The following DLGAP2 variants were observed in gnomAD, a reference collection of about 807,000 sequenced individuals.
DLGAP2 encodes DLG associated protein 2, also known as disks large-associated protein 2.
DLGAP2 carries 26 observed loss-of-function variants against 100.3 expected under a neutral mutation model. That is an observed-to-expected ratio of 0.26 (90% CI 0.19 to 0.36). DLGAP2 has a LOEUF of 0.36. DLGAP2 is among the 10% of genes least tolerant of loss of function. DLGAP2 has a pLI of 1.00. For missense variants in DLGAP2, 1,858 were observed against 1,453.2 expected (o/e 1.28, Z -4.53); for synonymous variants, 886 against 630.1 (o/e 1.41, Z -6.08).
chr8:1,637,156 G>C (rs77552639), intron 8 of DLGAP2, among the ~76,000 whole-genome samples: 9,128 of 152,228 alleles, frequency 0.06, 315 homozygotes, highest in Middle Eastern at 0.18. Context: ...ACCTCTGACC[G>C]GGCCCTTCAC....
At chr8:814,868 A>G (rs991961350) in intron 1 of DLGAP2, among the ~76,000 whole-genome samples, 1 of 151,290 alleles carries the variant, frequency 6.6e-6, no homozygotes. Flanking sequence ...AAAAAAAAAA[A>G]AAAAAGAAAT....
intron 3 of DLGAP2, among the ~76,000 whole-genome samples, chr8:1,271,535 G>A (rs1476283584): frequency 6.6e-6 from 1 of 152,176 alleles, no homozygotes; most frequent in East Asian, 1.9e-4. Context: ...CGAGATAGTT[G>A]TACATCCGAG....
intron 2 of DLGAP2, among the ~76,000 whole-genome samples, chr8:1,172,437 C>G (rs1797148944): frequency 6.6e-6 from 1 of 151,944 alleles, no homozygotes; most frequent in South Asian, 2.1e-4. Context: ...GCCTGCCTTG[C>G]TAGATTGGGG....
Position 1,549,542 on chromosome 8 carries a change from C to T in DLGAP2, c.1089C>T (p.Ala363=), listed in dbSNP as rs377204622. The T allele has an allele frequency of 3.1e-6, 5 of 1,613,228 alleles. No individual in the cohort carries two copies. The highest frequency in any genetic ancestry group is 1.1e-5 in the South Asian group (1 of 91,092). The change falls in exon 5 of 15, where the codon GCC becomes GCT. Residue 363 remains alanine (A), a synonymous_variant. Transcript: ENST00000637795. ...ACEGLALTPD[A]KYLKRSSWST... is the part of the protein sequence containing the mutation. The stretch of plus-strand genomic sequence containing the variant: ...AGGGGTTGGCGCTGACGCCCGACGC[C>T]AAGTACCTGAAGCGCAGCTCCTGGT...
chr8:1,593,481 A>C (rs950293657), intron 6 of DLGAP2, among the ~76,000 whole-genome samples: 2 of 151,854 alleles, frequency 1.3e-5, no homozygotes, highest in Non-Finnish European at 2.9e-5. Flanking sequence ...ATAAAATAAA[A>C]ATAAATAAAT....
At chr8:964,750 C>T (rs945790567) in intron 2 of DLGAP2, among the ~76,000 whole-genome samples, 4 of 152,192 alleles carry the variant, frequency 2.6e-5, no homozygotes, top group Non-Finnish European at 5.9e-5. Flanking sequence ...GGCACCGCCT[C>T]CACCTACCCT....
At chr8:1,433,738 CTTTT>C (rs3052055) in intron 3 of DLGAP2, among the ~76,000 whole-genome samples, 129 of 124,184 alleles carry the variant, frequency 1.0e-3, no homozygotes, top group African/African-American at 1.6e-3. Context: ...GCAAAACTGG[CTTTT>C]TTTTTTTTTT....
chr8:1,412,595 C>T (rs1796764274), intron 3 of DLGAP2, among the ~76,000 whole-genome samples: 1 of 152,214 alleles, frequency 6.6e-6, no homozygotes, highest in African/African-American at 2.4e-5. Flanking sequence ...TTGCTTCACC[C>T]CTCTCTGCCT....
intron 3 of DLGAP2, among the ~76,000 whole-genome samples, chr8:1,430,138 G>C (rs1376004810): frequency 6.7e-6 from 1 of 149,472 alleles, no homozygotes; most frequent in Non-Finnish European, 1.5e-5. Context: ...TAATTTTATG[G>C]CTCCTTAGGA....
At chr8:1,420,451 G>A (rs1797059005) in intron 3 of DLGAP2, among the ~76,000 whole-genome samples, 1 of 152,116 alleles carries the variant, frequency 6.6e-6, no homozygotes, top group Admixed American at 6.5e-5. Flanking sequence ...GGTCATCTCA[G>A]CACTTTGAGT....
intron 12 of DLGAP2, among the ~76,000 whole-genome samples, chr8:1,683,450 C>A (rs1270290687): frequency 6.6e-6 from 1 of 151,468 alleles, no homozygotes; most frequent in Non-Finnish European, 1.5e-5. Context: ...CTCACAGAGC[C>A]TTCTGTGGCC....
intron 2 of DLGAP2, among the ~76,000 whole-genome samples, chr8:1,087,351 G>A (rs993038687): frequency 6.6e-6 from 1 of 152,134 alleles, no homozygotes; most frequent in African/African-American, 2.4e-5. Context: ...CAGCTCACTT[G>A]AAGTCTTTTC....
At chr8:1,084,633 C>A (rs899316087) in intron 2 of DLGAP2, among the ~76,000 whole-genome samples, 11 of 152,344 alleles carry the variant, frequency 7.2e-5, no homozygotes, top group Middle Eastern at 6.8e-3. Flanking sequence ...CAGTATTTGT[C>A]TTTCTGTGCC....
rs1324228663 is a variant in DLGAP2, at chr8:856,672, A to G, written c.19-51240A>G. The stretch of plus-strand genomic sequence containing the variant: ...AATGCTTAAGTAAAAGTTGAACAAA[A>G]TAGCATAAGATCTATATGAGGAAAA... On this transcript the variant is annotated intron_variant, in intron 1 of 14. Coordinates refer to ENST00000637795, the MANE Select transcript of DLGAP2 (RefSeq NM_001346810.2). Among the ~76,000 whole-genome samples, 5 of 152,244 alleles carry G rather than the reference A, an allele frequency of 3.3e-5. No individual in the cohort carries two copies. The East Asian group carries it at 9.6e-4, about 29-fold the overall frequency.
intron 3 of DLGAP2, among the ~76,000 whole-genome samples, chr8:1,296,502 G>C (rs1167163901): frequency 6.6e-6 from 1 of 151,498 alleles, no homozygotes; most frequent in South Asian, 2.1e-4. Context: ...GCAGAGCCTT[G>C]GTGCTCGTGC....
chr8:800,466 G>A (rs1796125824), intron 1 of DLGAP2, among the ~76,000 whole-genome samples: 1 of 152,204 alleles, frequency 6.6e-6, no homozygotes, highest in Admixed American at 6.6e-5. Context: ...TCATGGCGGA[G>A]CAGCCTCCAT....
chr8:1,083,946 T>C (rs1485997362), intron 2 of DLGAP2, among the ~76,000 whole-genome samples: 4 of 152,180 alleles, frequency 2.6e-5, no homozygotes, highest in Non-Finnish European at 5.9e-5. Flanking sequence ...AAAAAATTGG[T>C]GCATTTTATT....
intron 3 of DLGAP2, among the ~76,000 whole-genome samples, chr8:1,467,886 A>G (rs1326356876): frequency 6.6e-6 from 1 of 152,200 alleles, no homozygotes; most frequent in East Asian, 1.9e-4. Flanking sequence ...CCTGGTCAGG[A>G]GGCCACCACA....
At chr8:1,587,318 A>AGG (rs1290790154) in intron 6 of DLGAP2, among the ~76,000 whole-genome samples, 1 of 152,192 alleles carries the variant, frequency 6.6e-6, no homozygotes, top group Non-Finnish European at 1.5e-5. Context: ...TGCCAGCTTC[A>AGG]GGGGGATGGT....
Sources: allele counts gnomAD v4.1 joint callset (sites outside exome capture counted in the v4.1 genomes callset), GRCh38; gene constraint gnomAD v4.1.1; transcripts MANE v1.5; gene names NCBI Gene and HGNC (gene_info 2026-07-23, HGNC 2026-07-21).